Variants in RAB33A observed in about 807,000 individuals in gnomAD.
The protein encoded by RAB33A is RAB33A, member RAS oncogene family.
RAB33A carries 6 observed loss-of-function variants against 12.0 expected under a neutral mutation model. That is an observed-to-expected ratio of 0.50 (90% confidence interval 0.27 to 0.99). RAB33A has a LOEUF of 0.99. Ranked by LOEUF, RAB33A falls within the 50% of genes least tolerant of loss-of-function variation. RAB33A has a pLI of 0.11. For missense variants in RAB33A, 109 were observed against 192.0 expected (o/e 0.57, Z 2.55); for synonymous variants, 70 against 82.4 (o/e 0.85, Z 0.81).
At chrX:130,156,716 G>A in the RAB33A span, 32 of 835,722 alleles carry the variant, frequency 3.8e-5, no homozygotes, top group South Asian at 1.7e-4. Flanking sequence ...GATATTCACC[G>A]TTAAATGATC....
chrX:130,117,214 T>C, the RAB33A span, among the ~76,000 whole-genome samples: 1 of 111,482 alleles, frequency 9.0e-6, no homozygotes, highest in Non-Finnish European at 1.9e-5. Flanking sequence ...AGACTCCATC[T>C]CAAAAAAACA....
chrX:130,170,944 C>T (rs989705594), upstream of RAB33A, among the ~76,000 whole-genome samples: 15 of 113,072 alleles, frequency 1.3e-4, no homozygotes, highest in Middle Eastern at 4.6e-3. Flanking sequence ...GCTTCCCCCC[C>T]TTCTCCTAGC....
At chrX:130,144,310 G>A in the RAB33A span, among the ~76,000 whole-genome samples, 10 of 111,305 alleles carry the variant, frequency 9.0e-5, no homozygotes, top group African/African-American at 3.3e-4. Context: ...ACGGCCAATG[G>A]TGATTATTTA....
the RAB33A span, among the ~76,000 whole-genome samples, chrX:130,157,862 G>A: frequency 9.2e-6 from 1 of 108,347 alleles, no homozygotes; most frequent in Non-Finnish European, 1.9e-5. Flanking sequence ...GGCTGAGGCA[G>A]GAGAATCGCT....
chrX:130,116,940 GCT>G, the RAB33A span, among the ~76,000 whole-genome samples: 6 of 112,375 alleles, frequency 5.3e-5, no homozygotes, highest in Non-Finnish European at 9.4e-5. Context: ...TTGGCCGGGT[GCT>G]GTGGCTCACG....
chrX:130,180,718 A>G (rs2031716514), intron 1 of RAB33A, among the ~76,000 whole-genome samples: 1 of 93,790 alleles, frequency 1.1e-5, no homozygotes, highest in Non-Finnish European at 2.1e-5. Context: ...AGCCTCCCAA[A>G]ATGCTGGGAT....
chrX:130,171,016 C>T (rs376481773), upstream of RAB33A, among the ~76,000 whole-genome samples: 29 of 113,281 alleles, frequency 2.6e-4, no homozygotes, highest in African/African-American at 9.3e-4. Context: ...CAACCGACTG[C>T]GGCAGCCAAT....
the RAB33A span, among the ~76,000 whole-genome samples, chrX:130,121,247 CTTTTCTTTTT>C: frequency 9.4e-6 from 1 of 106,166 alleles, no homozygotes; most frequent in Non-Finnish European, 1.9e-5. Flanking sequence ...TTTTTCTTTT[CTTTTCTTTTT>C]TTTTTTTTTT....
At chrX:130,177,452 G>T (rs150979206) in intron 1 of RAB33A, among the ~76,000 whole-genome samples, 7 of 112,419 alleles carry the variant, frequency 6.2e-5, no homozygotes, top group African/African-American at 2.3e-4. Flanking sequence ...GAGGTTAAAA[G>T]ACTTGTCTGG....
chrX:130,166,192 T>G, the RAB33A span, among the ~76,000 whole-genome samples: 1 of 111,892 alleles, frequency 8.9e-6, no homozygotes, highest in East Asian at 2.8e-4. Flanking sequence ...CTGATTCTTT[T>G]GCAGTGATCC....
the RAB33A span, among the ~76,000 whole-genome samples, chrX:130,150,644 CT>C: frequency 9.5e-6 from 1 of 105,607 alleles, no homozygotes; most frequent in South Asian, 4.5e-4. Flanking sequence ...CTATTGGAGA[CT>C]TTTTAAAGAA....
the RAB33A span, among the ~76,000 whole-genome samples, chrX:130,113,232 C>T: frequency 1.9e-5 from 2 of 106,417 alleles, no homozygotes; most frequent in Non-Finnish European, 3.9e-5. Flanking sequence ...AGGAACCCGC[C>T]ACCATGCCCG....
chrX:130,138,816 G>C, the RAB33A span: 7 of 529,157 alleles, frequency 1.3e-5, no homozygotes, highest in Non-Finnish European at 2.3e-5. Flanking sequence ...CTTGTATAAA[G>C]TGACTCAATT....
At chrX:130,171,908 C>T, upstream of RAB33A, 3 of 640,872 alleles carry the variant, frequency 4.7e-6, no homozygotes, top group Non-Finnish European at 6.8e-6. Flanking sequence ...CGCGCGCGCG[C>T]ACACGGTGCC....
At chrX:130,149,660 GTCTA>G in the RAB33A span, 1 of 686,765 alleles carries the variant, frequency 1.5e-6, no homozygotes, top group Non-Finnish European at 2.3e-6. Context: ...AGAAGCTTTT[GTCTA>G]TCTGATGTTA....
At chrX:130,182,754 CAA>C (rs201394208) in intron 1 of RAB33A, among the ~76,000 whole-genome samples, 1 of 103,728 alleles carries the variant, frequency 9.6e-6, no homozygotes, top group Non-Finnish European at 2.0e-5. Flanking sequence ...AATTCTGTCT[CAA>C]AAAAAAAATA....
the RAB33A span, among the ~76,000 whole-genome samples, chrX:130,128,977 G>A: frequency 8.9e-6 from 1 of 112,617 alleles, no homozygotes; most frequent in Admixed American, 9.4e-5. Flanking sequence ...TTACTATGAA[G>A]CAGACCCTGT....
chrX:130,148,922 C>T, the RAB33A span, among the ~76,000 whole-genome samples: 23 of 68,356 alleles, frequency 3.4e-4, no homozygotes, highest in African/African-American at 1.2e-3. Flanking sequence ...TTTTAAGAGA[C>T]TTTTTTTTTT....
At chrX:130,170,758 A>G (rs902808792), upstream of RAB33A, among the ~76,000 whole-genome samples, 2 of 112,422 alleles carry the variant, frequency 1.8e-5, no homozygotes, top group Non-Finnish European at 3.8e-5. Flanking sequence ...GAACCCTCCT[A>G]GGGATTCCCA....
Sources: allele counts gnomAD v4.1 joint callset (sites outside exome capture counted in the v4.1 genomes callset), GRCh38; gene constraint gnomAD v4.1.1; transcripts MANE v1.5; gene names NCBI Gene and HGNC (gene_info 2026-07-23, HGNC 2026-07-21).